BLK: variants seen among roughly 807,000 people sequenced by gnomAD.
The protein encoded by BLK is BLK proto-oncogene, Src family tyrosine kinase.
BLK carries 64 observed loss-of-function variants against 61.8 expected under a neutral mutation model. That is an observed-to-expected ratio of 1.03 (90% confidence interval 0.85 to 1.27). The LOEUF (loss-of-function observed/expected upper bound fraction) is 1.27, where lower values mean the gene tolerates loss of function less well. Ranked by LOEUF, BLK falls within the 50% of genes most tolerant of loss-of-function variation. The pLI is 0.00. For missense variants in BLK, 853 were observed against 660.5 expected, an observed-to-expected ratio of 1.29 and a Z score of -3.19; for synonymous variants, 351 against 272.0, an observed-to-expected ratio of 1.29 and a Z score of -2.86.
intron 2 of BLK, among the ~76,000 whole-genome samples, chr8:11,545,444 G>A (rs906717546): frequency 6.6e-6 from 1 of 152,174 alleles, no homozygotes; most frequent in African/African-American, 2.4e-5. Flanking sequence ...AGCTACTTGG[G>A]AGGCTGAGGC....
rs1409449691 is a variant in BLK, at chr8:11,554,804, G to A, written c.534G>A (p.Lys178=). ...AGGGGGAGCTGATCAAGCACTATAA[G>A]ATCCGCTGCCTGGATGAAGGGGGCT... ...TTQGELIKHY[K]IRCLDEGGYY... The change falls in exon 7 of 13, where the codon AAG becomes AAA. Residue 178 remains lysine, a synonymous_variant. Coordinates refer to ENST00000259089, the MANE Select transcript of BLK (RefSeq NM_001715.3). 6.2e-7 allele frequency: 1 copy of A among 1,614,070 alleles called. No individual in the cohort carries two copies. The highest frequency in any genetic ancestry group is 8.5e-7 in the Non-Finnish European group (1 of 1,180,008).
chr8:11,561,160 G>A, intron 10 of BLK, 142 bp from the exon 11 acceptor site: 1 of 1,222,550 alleles, frequency 8.2e-7, no homozygotes, highest in Non-Finnish European at 1.2e-6. Context: ...CGGCTGAGGA[G>A]CAACACAGTC....
At chr8:11,528,909 A>G (rs920632695) in intron 1 of BLK, among the ~76,000 whole-genome samples, 1 of 152,154 alleles carries the variant, frequency 6.6e-6, no homozygotes, top group South Asian at 2.1e-4. Flanking sequence ...GTGAGAACAT[A>G]TGGACACACA....
chr8:11,518,844 A>C (rs1799328335), intron 1 of BLK, among the ~76,000 whole-genome samples: 1 of 152,114 alleles, frequency 6.6e-6, no homozygotes, highest in African/African-American at 2.4e-5. Flanking sequence ...GAATCTGCCA[A>C]GCCTGTGCAC....
At chr8:11,496,120 C>T (rs1798350367) in intron 1 of BLK, among the ~76,000 whole-genome samples, 1 of 152,176 alleles carries the variant, frequency 6.6e-6, no homozygotes, top group Non-Finnish European at 1.5e-5. Flanking sequence ...ATTCTCTCTC[C>T]CAACCCCTAC....
chr8:11,515,575 C>A (rs1455327786), intron 1 of BLK, among the ~76,000 whole-genome samples: 2 of 152,196 alleles, frequency 1.3e-5, no homozygotes, highest in Non-Finnish European at 2.9e-5. Context: ...CATCTGGATG[C>A]CTGCCTCTAT....
At chr8:11,516,834 G>C (rs1255229952) in intron 1 of BLK, among the ~76,000 whole-genome samples, 1 of 152,154 alleles carries the variant, frequency 6.6e-6, no homozygotes, top group Non-Finnish European at 1.5e-5. Context: ...TCTGTCCATG[G>C]ACACTGGCTG....
At position 11,529,438 on chromosome 8, in the gene BLK, TG is replaced by T. The variant is rs993161007; in HGVS notation, c.-1-13783del. ...TTCCTGCGCTGAGTCAATTCCTGGGTGGGAGCCACAGATCAGATGAGCTGGT... is the reference window on the plus strand; with the variant it reads ...TTCCTGCGCTGAGTCAATTCCTGGGTGGAGCCACAGATCAGATGAGCTGGT... On this transcript the variant is annotated intron_variant, in intron 1 of 12. Transcript: ENST00000259089. Among the ~76,000 whole-genome samples, 194 of 151,890 alleles carry T rather than the reference TG, an allele frequency of 1.3e-3. 1 individual carries two copies. Among genetic ancestry groups the T allele is most frequent in the African/African-American group, 4.5e-3 (188 of 41,416 alleles).
At chr8:11,538,580 A>T (rs1585380153) in intron 1 of BLK, among the ~76,000 whole-genome samples, 1 of 152,334 alleles carries the variant, frequency 6.6e-6, no homozygotes, top group East Asian at 1.9e-4. Flanking sequence ...CCAATGTTCA[A>T]TTATGTTGTC....
rs765612592 is a variant in BLK at position 11,564,260 on chromosome 8, C to G, written c.*152C>G. The G allele has an allele frequency of 1.1e-6, 1 of 933,092 alleles. No homozygotes were observed. The highest frequency in any genetic ancestry group is 2.6e-5 in the East Asian group (1 of 37,936). The allele number at this position is 933,092 out of a possible 1,614,324, so 57.8% of individuals were successfully genotyped here. ...GCAGAGGCAGCTTCGCAGGGGGTCC[C>G]CGGACGGACTCCTTCACCGACTGCA... On this transcript the variant is annotated 3_prime_UTR_variant, in exon 13 of 13. Transcript: ENST00000259089.
intron 3 of BLK, 91 bp from the exon 4 acceptor site, chr8:11,547,941 A>G: frequency 1.8e-6 from 2 of 1,094,356 alleles, no homozygotes; most frequent in Non-Finnish European, 2.8e-6. Context: ...GGCAAGCAGA[A>G]GCCTGTCCTC....
At chr8:11,505,956 C>T (rs1046418590) in intron 1 of BLK, among the ~76,000 whole-genome samples, 12 of 152,202 alleles carry the variant, frequency 7.9e-5, no homozygotes, top group Non-Finnish European at 2.9e-5. Context: ...TCCCTGCCTC[C>T]GATAAGACCT....
At chr8:11,498,955 T>C (rs1189873724) in intron 1 of BLK, among the ~76,000 whole-genome samples, 1 of 152,220 alleles carries the variant, frequency 6.6e-6, no homozygotes, top group African/African-American at 2.4e-5. Context: ...GACAACTTCT[T>C]TGATTTACTT....
At chr8:11,527,621 G>C (rs1284211880) in intron 1 of BLK, among the ~76,000 whole-genome samples, 3 of 151,934 alleles carry the variant, frequency 2.0e-5, no homozygotes. Context: ...ATAGATAATG[G>C]GTGTTGCTGA....
Position 11,562,839 on chromosome 8 carries a change from G to A in BLK, c.1181-140G>A, listed in dbSNP as rs573271124. On this transcript the variant is annotated intron_variant, in intron 11 of 12. Coordinates refer to ENST00000259089, the MANE Select transcript of BLK (RefSeq NM_001715.3). Reference sequence around the variant, plus strand: ...CCTGGTGTGCGGTAGTGGCTCCCCCGCCATGCCTGGCCGCCCCGCCCTGTG... The same window carrying A: ...CCTGGTGTGCGGTAGTGGCTCCCCCACCATGCCTGGCCGCCCCGCCCTGTG... 28 of 1,136,018 alleles carry A rather than the reference G, an allele frequency of 2.5e-5. No homozygotes were observed. In the East Asian group the frequency reaches 4.1e-4, roughly 17 times the overall value. 70.4% of individuals were successfully genotyped at this position (1,136,018 alleles called of 1,614,324 possible). A position where few individuals can be genotyped will look rare whatever the true frequency, so the allele number is the denominator to read the frequency against.
At position 11,547,053 on chromosome 8, in the gene BLK, C is replaced by T. The variant is rs939153623; in HGVS notation, c.175+950C>T. On this transcript the variant is annotated intron_variant, in intron 3 of 12. Coordinates refer to ENST00000259089, the MANE Select transcript of BLK (RefSeq NM_001715.3). ...CACACAGCATGGGGAAGGGATGCCT[C>T]GGCCAGCCGGGCCCCACCCATTAAC... Among the ~76,000 whole-genome samples, 9 of 152,374 alleles carry T rather than the reference C, an allele frequency of 5.9e-5. No homozygotes were observed. In the East Asian group the frequency reaches 1.2e-3, roughly 20 times the overall value.
At chr8:11,536,239 T>C (rs540395068) in intron 1 of BLK, among the ~76,000 whole-genome samples, 1 of 152,302 alleles carries the variant, frequency 6.6e-6, no homozygotes, top group South Asian at 2.1e-4. Flanking sequence ...ATGACTTGCT[T>C]CACTACATTG....
At chr8:11,556,961 C>T (rs543083058) in intron 9 of BLK, 124 bp downstream of exon 9, 32 of 410,482 alleles carry the variant, frequency 7.8e-5, no homozygotes, top group Middle Eastern at 7.5e-4. Flanking sequence ...GGGCATGGCA[C>T]GGTGTGGGGA....
At chr8:11,528,146 C>G (rs1799743269) in intron 1 of BLK, among the ~76,000 whole-genome samples, 1 of 152,128 alleles carries the variant, frequency 6.6e-6, no homozygotes, top group Non-Finnish European at 1.5e-5. Flanking sequence ...AGGTGATCCT[C>G]CCACCTCAGC....
Sources: allele counts gnomAD v4.1 joint callset (sites outside exome capture counted in the v4.1 genomes callset), GRCh38; gene constraint gnomAD v4.1.1; transcripts MANE v1.5; gene names NCBI Gene and HGNC (gene_info 2026-07-23, HGNC 2026-07-21).